The following KIR3DL3 variants were observed in gnomAD, a reference collection of about 807,000 sequenced individuals.
KIR3DL3 encodes the protein killer cell immunoglobulin-like receptor 3DL3.
Under a neutral mutation model 34.9 loss-of-function variants are expected in KIR3DL3, and 27 were observed. The observed-to-expected ratio is 0.77, with a 90% CI of 0.57 to 1.07. The LOEUF (loss-of-function observed/expected upper bound fraction) is 1.07, where lower values mean the gene tolerates loss of function less well. KIR3DL3 is among the 50% of genes least tolerant of loss of function. KIR3DL3 has a pLI of 0.00. For missense variants in KIR3DL3, 681 were observed against 528.5 expected (o/e 1.29, Z -2.83); for synonymous variants, 217 against 200.2 (o/e 1.08, Z -0.71).
In KIR3DL3 at chr19:54,724,463, T is replaced by G. The variant is rs1391349863; in HGVS notation, c.-34T>G. ...CATCCTGTGTGCTGCTGAACTGAGC[T>G]GGGGCGCAGCCGCCTGTCTGCACCG... On this transcript the variant is annotated 5_prime_UTR_variant, in exon 1 of 8. Transcript: ENST00000291860. 8 of 1,612,488 alleles carry G rather than the reference T, an allele frequency of 5.0e-6. No individual in the cohort carries two copies. Among genetic ancestry groups the G allele is most frequent in the Non-Finnish European group, 5.9e-6 (7 of 1,179,968 alleles).
chr19:54,734,438 G>A (rs1224621027), intron 5 of KIR3DL3, among the ~76,000 whole-genome samples: 3 of 151,628 alleles, frequency 2.0e-5, no homozygotes, highest in African/African-American at 7.3e-5. Flanking sequence ...AAAGCTGCTC[G>A]AGACATGTGG....
chr19:54,733,632 T>A (rs1029020606), intron 5 of KIR3DL3, among the ~76,000 whole-genome samples: 1 of 152,246 alleles, frequency 6.6e-6, no homozygotes, highest in Non-Finnish European at 1.5e-5. Flanking sequence ...TGACCCTTTA[T>A]CTTATCCATT....
intron 5 of KIR3DL3, among the ~76,000 whole-genome samples, chr19:54,731,736 C>T (rs111458223): frequency 0.085 from 12,956 of 151,962 alleles, 1,013 homozygotes; most frequent in African/African-American, 0.21. Context: ...GTTCCTGGGC[C>T]CCTGGTCCCC....
Position 54,725,285 on chromosome 19 carries a change from G to T in KIR3DL3, c.70+3G>T. 1 of 1,580,204 alleles carries T rather than the reference G, an allele frequency of 6.3e-7. No individual in the cohort carries two copies. The highest frequency in any genetic ancestry group is 8.6e-7 in the Non-Finnish European group (1 of 1,161,970). ...GGAGGGGCCCTGGCCACATGTGGGTGAGTCCTTCCCCCAAACCTTAGGTTG... is the reference window on the plus strand; with the variant it reads ...GGAGGGGCCCTGGCCACATGTGGGTTAGTCCTTCCCCCAAACCTTAGGTTG... On this transcript the variant is annotated splice_donor_region_variant and intron_variant, in intron 2 of 7. Coordinates refer to ENST00000291860, the MANE Select transcript of KIR3DL3 (RefSeq NM_153443.5).
chr19:54,728,949 G>C (rs1364866253), intron 4 of KIR3DL3, among the ~76,000 whole-genome samples: 1 of 148,982 alleles, frequency 6.7e-6, no homozygotes, highest in Admixed American at 6.9e-5. Context: ...GATATAGATA[G>C]ACAAGTAGAA....
chr19:54,732,228 T>C (rs369443544), intron 5 of KIR3DL3, among the ~76,000 whole-genome samples: 1 of 147,820 alleles, frequency 6.8e-6, no homozygotes, highest in East Asian at 2.0e-4. Context: ...AAATCTGGGG[T>C]TTTTTGTGTG....
chr19:54,728,849 G>T (rs2146793142), intron 4 of KIR3DL3, among the ~76,000 whole-genome samples: 1 of 149,512 alleles, frequency 6.7e-6, no homozygotes, highest in South Asian at 2.1e-4. Flanking sequence ...TAGATGGACA[G>T]ATAGATATAG....
intron 5 of KIR3DL3, 42 bp downstream of exon 5, chr19:54,729,828 A>G: frequency 6.4e-7 from 1 of 1,561,088 alleles, no homozygotes; most frequent in Non-Finnish European, 8.7e-7. Context: ...GTGATCCTAG[A>G]GCCATAGCTG....
Position 54,736,072 on chromosome 19 carries a change from A to T in KIR3DL3, c.1209A>T (p.Thr403=). 1 of 1,613,008 alleles carries T rather than the reference A, an allele frequency of 6.2e-7. No homozygotes were observed. The stretch of plus-strand genomic sequence containing the variant: ...CTCGCCCTTCTCAGAGGCCCAAGAC[A>T]CCCCCAACAGATACCAGCGTGTAAC... ...KITRPSQRPK[T]PPTDTSV is the part of the protein sequence containing the mutation. Residue 403 remains threonine (T), a synonymous_variant, in exon 8 of 8, where the codon ACA becomes ACT. Coordinates refer to ENST00000291860, the MANE Select transcript of KIR3DL3 (RefSeq NM_153443.5).
intron 1 of KIR3DL3, among the ~76,000 whole-genome samples, 178 bp from the exon 2 acceptor site, chr19:54,725,069 G>A (rs1330591243): frequency 4.9e-5 from 6 of 122,562 alleles, no homozygotes; most frequent in African/African-American, 9.1e-5. Context: ...ATAGGACGGA[G>A]GTGGAGATAT....
rs111271439 is a variant in KIR3DL3 at position 54,727,484 on chromosome 19, A to G, written c.356-127A>G. 0.018 allele frequency: 15,425 copies of G among 877,794 alleles called. 1,640 individuals are homozygous for G. In the African/African-American group the frequency reaches 0.23, roughly 13 times the overall value. The allele number at this position is 877,794 out of a possible 1,614,324, so 54.4% of individuals were successfully genotyped here. A position where few individuals can be genotyped will look rare whatever the true frequency, so the allele number is the denominator to read the frequency against. On this transcript the variant is annotated intron_variant, in intron 3 of 7. Transcript: ENST00000291860. The stretch of plus-strand genomic sequence containing the variant: ...CTGCAACAGGGGTTATGGGCACAAA[A>G]GAACACGGAGACACAGACAGGAAGG...
chr19:54,729,419 G>A (rs1334544448), intron 4 of KIR3DL3, 74 bp from the exon 5 acceptor site: 2 of 1,333,690 alleles, frequency 1.5e-6, no homozygotes, highest in Non-Finnish European at 2.1e-6. Flanking sequence ...AGGGGAGTGA[G>A]TTCTCAGCTC....
intron 7 of KIR3DL3, 40 bp from the exon 8 acceptor site, chr19:54,735,931 T>C (rs748359159): frequency 5.0e-6 from 8 of 1,606,888 alleles, no homozygotes; most frequent in African/African-American, 4.1e-5. Flanking sequence ...TCCTGGAAAA[T>C]GTGAGCACCC....
intron 5 of KIR3DL3, among the ~76,000 whole-genome samples, chr19:54,733,646 C>A (rs1473250455): frequency 1.3e-5 from 2 of 152,220 alleles, no homozygotes; most frequent in African/African-American, 4.8e-5. Flanking sequence ...ATCCATTAAA[C>A]AATCAGGTTA....
intron 5 of KIR3DL3, among the ~76,000 whole-genome samples, chr19:54,733,652 G>A (rs952227958): frequency 2.0e-5 from 3 of 152,106 alleles, no homozygotes; most frequent in Non-Finnish European, 4.4e-5. Flanking sequence ...TAAACAATCA[G>A]GTTAAACCTC....
At chr19:54,727,952 G>A in intron 4 of KIR3DL3, 42 bp downstream of exon 4, 1 of 1,559,906 alleles carries the variant, frequency 6.4e-7, no homozygotes, top group Non-Finnish European at 8.7e-7. Context: ...GCTGGGAGAT[G>A]GAGTGAATGA....
intron 5 of KIR3DL3, among the ~76,000 whole-genome samples, chr19:54,733,252 A>G (rs896013123): frequency 6.6e-6 from 1 of 152,064 alleles, no homozygotes; most frequent in Non-Finnish European, 1.5e-5. Context: ...AATATACAAG[A>G]CTGTGGATGG....
chr19:54,727,764 A>T lies in KIR3DL3; in HGVS notation c.509A>T (p.Gln170Leu). 1 of 1,613,456 alleles carries T rather than the reference A, an allele frequency of 6.2e-7. No homozygotes were observed. Among genetic ancestry groups the T allele is most frequent in the Non-Finnish European group, 8.5e-7 (1 of 1,179,872 alleles). The change falls in exon 4 of 8, where the codon CAG becomes CTG. Residue 170 changes from glutamine (Q) to leucine (L), a missense_variant. Transcript: ENST00000291860. ...GAGGACCCCTTGCGCCTCGTTGGAC[A>T]GCTCCACGATGCGGGTTCCCAGGTC... ...ITEDPLRLVG[Q>L]LHDAGSQVNY...
rs201591361 is a variant in KIR3DL3, at chr19:54,727,752, G to A, written c.497G>A (p.Arg166His). Residue 166 changes from arginine (R) to histidine (H), a missense_variant, in exon 4 of 8, where the codon CGC (arginine) becomes CAC (histidine). By Grantham distance (29) the Arg-to-His change is conservative. Transcript: ENST00000291860. ...HREGITEDPL[R>H]LVGQLHDAGS... Reference sequence around the variant, plus strand: ...GAGGGGATCACTGAGGACCCCTTGCGCCTCGTTGGACAGCTCCACGATGCG... The same window carrying A: ...GAGGGGATCACTGAGGACCCCTTGCACCTCGTTGGACAGCTCCACGATGCG... 3.4e-4 allele frequency: 547 copies of A among 1,612,720 alleles called. No individual in the cohort carries two copies. The highest frequency in any genetic ancestry group is 4.3e-4 in the Non-Finnish European group (506 of 1,179,540).
Sources: gnomAD v4.1 joint callset for allele counts (sites outside exome capture counted in the v4.1 genomes callset) on GRCh38, gnomAD v4.1.1 for gene constraint, MANE v1.5 for transcripts, NCBI Gene and HGNC (gene_info 2026-07-23, HGNC 2026-07-21) for gene names.